ADAM12: variants seen among roughly 807,000 people sequenced by gnomAD.
ADAM12 encodes the protein ADAM metallopeptidase domain 12.
ADAM12 carries 70 observed loss-of-function variants against 106.4 expected under a neutral mutation model. The ratio of observed to expected loss-of-function variants is 0.66; its 90% CI spans 0.54 to 0.80. The LOEUF (loss-of-function observed/expected upper bound fraction) is 0.80, where lower values mean the gene tolerates loss of function less well. ADAM12 is among the 30% of genes least tolerant of loss of function. ADAM12 has a pLI of 0.00. For missense variants in ADAM12, 1,010 were observed against 1,171.9 expected, an observed-to-expected ratio of 0.86 and a Z score of 2.02; for synonymous variants, 420 against 433.5, an observed-to-expected ratio of 0.97 and a Z score of 0.39.
At chr10:126,189,624 T>C (rs11244877) in intron 3 of ADAM12, among the ~76,000 whole-genome samples, 1 of 152,158 alleles carries the variant, frequency 6.6e-6, no homozygotes, top group Non-Finnish European at 1.5e-5. Context: ...ACTGTTGTGA[T>C]TCCCACTTTA....
At chr10:126,326,545 G>A (rs566124877) in intron 2 of ADAM12, among the ~76,000 whole-genome samples, 5 of 152,128 alleles carry the variant, frequency 3.3e-5, no homozygotes, top group Admixed American at 6.5e-5. Context: ...GGTGCTGTCC[G>A]TGGTCAGAGT....
intron 1 of ADAM12, among the ~76,000 whole-genome samples, chr10:126,376,188 C>A (rs1241431910): frequency 6.6e-6 from 1 of 152,140 alleles, no homozygotes; most frequent in African/African-American, 2.4e-5. Flanking sequence ...TCTATGACGT[C>A]AATCTACAGA....
chr10:126,228,814 C>T (rs1385837008), intron 3 of ADAM12, among the ~76,000 whole-genome samples: 1 of 152,174 alleles, frequency 6.6e-6, no homozygotes, highest in African/African-American at 2.4e-5. Flanking sequence ...TATGTTCAAG[C>T]CTCCTCTTTT....
At chr10:126,191,475 G>A (rs866754661) in intron 3 of ADAM12, among the ~76,000 whole-genome samples, 4 of 152,040 alleles carry the variant, frequency 2.6e-5, no homozygotes, top group Admixed American at 6.6e-5. Context: ...CTGGTTCAGC[G>A]CAGGGTCACT....
rs1414379440 is a variant in ADAM12 at position 126,132,531 on chromosome 10, C to CA, written c.416+3052_416+3053insT. ...CAGGAGTGCTGCATGAACACCCCCC[C>CA]CCCCTCAACTAGTCCAGTCCCAGAA... On this transcript the variant is annotated intron_variant, in intron 5 of 22. Coordinates refer to ENST00000448723, the MANE Select transcript of ADAM12 (RefSeq NM_001288973.2). Among the ~76,000 whole-genome samples the CA allele has an allele frequency of 4.3e-5, 6 of 140,080 alleles. No homozygotes were observed. The South Asian group carries it at 1.1e-3, about 25-fold the overall frequency. 91.9% of individuals were successfully genotyped at this position (140,080 alleles called of 152,430 possible). A position where few individuals can be genotyped will look rare whatever the true frequency, so the allele number is the denominator to read the frequency against.
chr10:126,323,947 C>G (rs1027550262), intron 2 of ADAM12, among the ~76,000 whole-genome samples: 2 of 152,206 alleles, frequency 1.3e-5, no homozygotes, highest in Admixed American at 1.3e-4. Context: ...TGATATCCAA[C>G]AGAAAGAACT....
chr10:126,109,618 A>C (rs1043563206), intron 7 of ADAM12, among the ~76,000 whole-genome samples, 157 bp downstream of exon 7: 4 of 152,210 alleles, frequency 2.6e-5, no homozygotes, highest in African/African-American at 9.6e-5. Flanking sequence ...TGTATGCTTT[A>C]TAAAATCAGA....
rs1057307751 is a variant in ADAM12, at chr10:126,249,120, C to A, written c.260+29795G>T. 3.9e-5 allele frequency among the ~76,000 whole-genome samples: 6 copies of A among 152,162 alleles called. 1 individual carries two copies. Among genetic ancestry groups the A allele is most frequent in the South Asian group, 2.1e-4 (1 of 4,830 alleles). ...GAGAAATTAAGTACTCTACCTGAGG[C>A]CACACAGCTTATGTTTCTCCTAAGT... On this transcript the variant is annotated intron_variant, in intron 3 of 22. Coordinates refer to ENST00000448723, the MANE Select transcript of ADAM12 (RefSeq NM_001288973.2).
intron 3 of ADAM12, among the ~76,000 whole-genome samples, chr10:126,224,221 T>G (rs930857352): frequency 6.6e-6 from 1 of 152,124 alleles, no homozygotes; most frequent in Non-Finnish European, 1.5e-5. Context: ...CTTCCCTGTC[T>G]CCGGGGTTAG....
At chr10:126,177,447 G>C (rs1476858166) in intron 3 of ADAM12, among the ~76,000 whole-genome samples, 1 of 152,066 alleles carries the variant, frequency 6.6e-6, no homozygotes, top group Non-Finnish European at 1.5e-5. Flanking sequence ...CCATTTTGTG[G>C]AACAGACAAC....
At chr10:126,024,267 AG>A (rs1291522184) in intron 21 of ADAM12, among the ~76,000 whole-genome samples, 1 of 152,228 alleles carries the variant, frequency 6.6e-6, no homozygotes, top group Non-Finnish European at 1.5e-5. Flanking sequence ...AGGCTAATGT[AG>A]TGACTTTAAT....
chr10:126,371,696 A>G (rs1277909693), intron 1 of ADAM12, among the ~76,000 whole-genome samples: 1 of 152,204 alleles, frequency 6.6e-6, no homozygotes, highest in African/African-American at 2.4e-5. Context: ...TGTCTGCTTC[A>G]CCCACAAATG....
chr10:126,158,584 G>T (rs1313514962), intron 3 of ADAM12, among the ~76,000 whole-genome samples: 2 of 100,302 alleles, frequency 2.0e-5, no homozygotes, highest in African/African-American at 3.5e-5. Context: ...AGAGCCGGGG[G>T]TGGGGATGCA....
intron 21 of ADAM12, among the ~76,000 whole-genome samples, chr10:126,025,832 A>T (rs1953862255): frequency 1.3e-5 from 2 of 152,236 alleles, no homozygotes; most frequent in South Asian, 4.1e-4. Context: ...CCATGAGAAG[A>T]TCAACCCCAA....
intron 1 of ADAM12, among the ~76,000 whole-genome samples, chr10:126,356,418 G>A (rs143442661): frequency 6.6e-6 from 1 of 152,300 alleles, no homozygotes; most frequent in Admixed American, 6.5e-5. Context: ...CTAGAGAATG[G>A]AAAGCAAGCT....
At chr10:126,144,245 T>C (rs915046156) in intron 4 of ADAM12, among the ~76,000 whole-genome samples, 3 of 152,194 alleles carry the variant, frequency 2.0e-5, no homozygotes, top group Admixed American at 6.5e-5. Flanking sequence ...CCATCCAGAA[T>C]TGGAAATCTT....
At chr10:126,199,879 T>C (rs931775809) in intron 3 of ADAM12, among the ~76,000 whole-genome samples, 1 of 152,158 alleles carries the variant, frequency 6.6e-6, no homozygotes, top group Non-Finnish European at 1.5e-5. Flanking sequence ...ATAGACAGTG[T>C]GCACCTGATC....
At chr10:126,017,960 A>C (rs1953690770) in intron 22 of ADAM12, among the ~76,000 whole-genome samples, 1 of 152,252 alleles carries the variant, frequency 6.6e-6, no homozygotes, top group South Asian at 2.1e-4. Flanking sequence ...TTTCTTCCTC[A>C]AATAGAACAA....
intron 1 of ADAM12, among the ~76,000 whole-genome samples, chr10:126,380,579 C>T (rs1271307078): frequency 1.3e-5 from 2 of 152,168 alleles, no homozygotes; most frequent in African/African-American, 4.8e-5. Context: ...GCGCACCGCT[C>T]CTGGCACTGA....
Sources: gnomAD v4.1 joint callset for allele counts (sites outside exome capture counted in the v4.1 genomes callset) on GRCh38, gnomAD v4.1.1 for gene constraint, MANE v1.5 for transcripts, NCBI Gene and HGNC (gene_info 2026-07-23, HGNC 2026-07-21) for gene names.